The following DCDC1 variants were observed in gnomAD, a reference collection of about 807,000 sequenced individuals.
DCDC1 encodes the protein doublecortin domain-containing protein 1.
Under a neutral mutation model 178.3 loss-of-function variants are expected in DCDC1, and 200 were observed. The ratio of observed to expected loss-of-function variants is 1.12; its 90% CI spans 1.00 to 1.26. DCDC1 has a LOEUF of 1.26. DCDC1 is among the 50% of genes most tolerant of loss of function. DCDC1 has a pLI of 0.00. For missense variants in DCDC1, 1,983 were observed against 1,749.2 expected (o/e 1.13, Z -2.38); for synonymous variants, 690 against 604.8 (o/e 1.14, Z -2.07).
Position 30,894,349 on chromosome 11 carries a change from C to A in DCDC1, c.4801G>T (p.Val1601Phe), listed in dbSNP as rs1944031802. The change falls in exon 35 of 39, where the codon GTT becomes TTT. Residue 1601 changes from valine (V) to phenylalanine (F), a missense_variant. By Grantham distance (50) the Val-to-Phe change is conservative (BLOSUM62 -1). Coordinates refer to ENST00000684477, the MANE Select transcript of DCDC1 (RefSeq NM_001387274.1). The part of the protein sequence containing the change: ...RVAACQPATM[V>F]PTKSPVQPVV... ...GGCTGCACAGGGCTCTTGGTAGGAA[C>A]CATGGTGGCTGGCTGACATGCCGCT... 2 of 1,613,866 alleles carry A rather than the reference C, an allele frequency of 1.2e-6. No homozygotes were observed. Among genetic ancestry groups the A allele is most frequent in the South Asian group, 1.1e-5 (1 of 91,066 alleles).
intron 3 of DCDC1, among the ~76,000 whole-genome samples, chr11:31,322,780 GCTCT>G (rs1439551941): frequency 6.6e-6 from 1 of 152,072 alleles, no homozygotes; most frequent in African/African-American, 2.4e-5. Context: ...CCCTAAAATT[GCTCT>G]CTCTCTGAAT....
intron 8 of DCDC1, among the ~76,000 whole-genome samples, chr11:31,264,465 A>G (rs1945006747): frequency 6.6e-6 from 1 of 152,080 alleles, no homozygotes; most frequent in African/African-American, 2.4e-5. Context: ...GAGAGAGAGA[A>G]CAGAGTACAA....
intron 11 of DCDC1, among the ~76,000 whole-genome samples, chr11:31,111,230 C>T (rs1435444237): frequency 6.6e-6 from 1 of 151,584 alleles, no homozygotes; most frequent in Admixed American, 6.6e-5. Flanking sequence ...TCAGCAGAGC[C>T]ATTTTATTTA....
At chr11:30,913,581 T>TA (rs1429800137) in intron 27 of DCDC1, among the ~76,000 whole-genome samples, 5 of 152,186 alleles carry the variant, frequency 3.3e-5, no homozygotes, top group Non-Finnish European at 2.9e-5. Context: ...TCCCTTCCAC[T>TA]AACTGCCTCT....
intron 7 of DCDC1, among the ~76,000 whole-genome samples, chr11:31,276,594 T>C (rs1454905342): frequency 6.6e-6 from 1 of 152,178 alleles, no homozygotes; most frequent in Non-Finnish European, 1.5e-5. Context: ...AAATGACTTA[T>C]AATCAAAATT....
rs181715947 is a variant in DCDC1, at chr11:30,930,589, G to T, written c.2897+1182C>A. 1.4e-3 allele frequency among the ~76,000 whole-genome samples: 219 copies of T among 152,226 alleles called. 1 individual carries two copies. The highest frequency in any genetic ancestry group is 4.7e-3 in the African/African-American group (194 of 41,538). ...CAGCACAGCATTTCACATATTCTCTGCTAGAACAGTTGTCCAAATTTACCA... is the reference window on the plus strand; with the variant it reads ...CAGCACAGCATTTCACATATTCTCTTCTAGAACAGTTGTCCAAATTTACCA... On this transcript the variant is annotated intron_variant, in intron 22 of 38. Coordinates refer to ENST00000684477, the MANE Select transcript of DCDC1 (RefSeq NM_001387274.1).
intron 9 of DCDC1, among the ~76,000 whole-genome samples, chr11:31,179,606 TG>T (rs1419633190): frequency 6.6e-6 from 1 of 152,210 alleles, no homozygotes; most frequent in Non-Finnish European, 1.5e-5. Flanking sequence ...CACTCCTATG[TG>T]GGATCTTTTT....
At chr11:31,261,551 A>G (rs1022145366) in intron 8 of DCDC1, among the ~76,000 whole-genome samples, 1 of 152,208 alleles carries the variant, frequency 6.6e-6, no homozygotes, top group Non-Finnish European at 1.5e-5. Context: ...TGTAACAACT[A>G]TTTATATAAC....
intron 20 of DCDC1, among the ~76,000 whole-genome samples, chr11:30,988,173 G>A (rs1314356130): frequency 6.6e-6 from 1 of 152,144 alleles, no homozygotes; most frequent in Non-Finnish European, 1.5e-5. Context: ...GCTGCTAGAT[G>A]GAGAATAAAT....
At chr11:30,894,135 C>G in intron 35 of DCDC1, 113 bp downstream of exon 35, 4 of 1,404,994 alleles carry the variant, frequency 2.8e-6, no homozygotes, top group Non-Finnish European at 2.8e-6. Context: ...ATGGTCATAA[C>G]TGATCAGATG....
At chr11:31,157,370 A>ATATAT (rs566330824) in intron 9 of DCDC1, among the ~76,000 whole-genome samples, 125 of 110,938 alleles carry the variant, frequency 1.1e-3, no homozygotes, top group African/African-American at 2.8e-3. Flanking sequence ...AAAAAAAAAA[A>ATATAT]AAATATATAT....
chr11:31,188,659 T>A (rs1194222021), intron 9 of DCDC1, among the ~76,000 whole-genome samples: 5 of 152,144 alleles, frequency 3.3e-5, no homozygotes. Flanking sequence ...CTGACAGATA[T>A]CAGATACACA....
At chr11:31,225,699 A>C (rs1327319173) in intron 9 of DCDC1, among the ~76,000 whole-genome samples, 1 of 148,820 alleles carries the variant, frequency 6.7e-6, no homozygotes, top group East Asian at 2.0e-4. Context: ...AATTATATAT[A>C]TATATCTAGG....
intron 9 of DCDC1, among the ~76,000 whole-genome samples, chr11:31,138,852 A>G (rs562326813): frequency 6.6e-6 from 1 of 152,326 alleles, no homozygotes; most frequent in East Asian, 1.9e-4. Context: ...GAATAATAGT[A>G]TTAAACCTGT....
chr11:30,959,938 CTT>C (rs2134564342), intron 20 of DCDC1, among the ~76,000 whole-genome samples: 1 of 152,186 alleles, frequency 6.6e-6, no homozygotes, highest in East Asian at 1.9e-4. Context: ...TTTTCTTTCA[CTT>C]TTGCTGACCT....
Position 31,306,310 on chromosome 11 carries a change from T to C in DCDC1, c.513A>G (p.Pro171=). ...TGTAAGCTGTTACTTTAATCACTCT[T>C]GGTTGAAGTTTGTGTCTTTGAGACA... The part of the protein sequence containing the change: ...QKLSQRHKLQ[P]RVIKVTAYKN... Residue 171 remains proline (P), a synonymous_variant, in exon 5 of 39, where the codon CCA becomes CCG. Coordinates refer to ENST00000684477, the MANE Select transcript of DCDC1 (RefSeq NM_001387274.1). 1 of 1,611,626 alleles carries C rather than the reference T, an allele frequency of 6.2e-7. No individual in the cohort carries two copies. Among genetic ancestry groups the C allele is most frequent in the East Asian group, 2.2e-5 (1 of 44,670 alleles).
chr11:31,206,082 T>A (rs549870884), intron 9 of DCDC1, among the ~76,000 whole-genome samples: 8 of 152,314 alleles, frequency 5.3e-5, no homozygotes, highest in African/African-American at 1.7e-4. Context: ...ACAGAATTTT[T>A]AAAATACTTT....
At chr11:31,358,975 C>T (rs140390994) in intron 1 of DCDC1, among the ~76,000 whole-genome samples, 1 of 152,166 alleles carries the variant, frequency 6.6e-6, no homozygotes, top group Non-Finnish European at 1.5e-5. Context: ...AACACTATTA[C>T]ACTGTTGGTG....
At chr11:30,971,315 G>C (rs935198086) in intron 20 of DCDC1, among the ~76,000 whole-genome samples, 5 of 152,018 alleles carry the variant, frequency 3.3e-5, no homozygotes, top group Non-Finnish European at 5.9e-5. Flanking sequence ...TCCAGTAAGA[G>C]TCTAGTGAAA....
Sources: allele counts gnomAD v4.1 joint callset (sites outside exome capture counted in the v4.1 genomes callset), GRCh38; gene constraint gnomAD v4.1.1; transcripts MANE v1.5; gene names NCBI Gene and HGNC (gene_info 2026-07-23, HGNC 2026-07-21).